KCNC1: variants seen among roughly 807,000 people sequenced by gnomAD.
The protein encoded by KCNC1 is voltage-gated potassium channel KCNC1.
Under a neutral mutation model 43.4 loss-of-function variants are expected in KCNC1, and 8 were observed. The observed-to-expected ratio is 0.18, with a 90% confidence interval of 0.11 to 0.33. KCNC1 has a LOEUF of 0.33. Among genes scored for constraint, KCNC1 ranks in the 10% least tolerant of loss-of-function variants. The pLI, the probability that KCNC1 is intolerant of heterozygous loss-of-function variation, is 1.00. For synonymous variants in KCNC1, 361 were observed against 360.5 expected, an observed-to-expected ratio of 1.00 and a Z score of -0.01; for missense variants, 420 against 836.0, an observed-to-expected ratio of 0.50 and a Z score of 6.14.
chr11:17,746,818 T>TC (rs1218564987), intron 1 of KCNC1, among the ~76,000 whole-genome samples: 1 of 152,118 alleles, frequency 6.6e-6, no homozygotes, highest in Admixed American at 6.5e-5. Flanking sequence ...CATCAGGCCT[T>TC]CGATCGAATC....
chr11:17,764,867 A>T (rs951586206), intron 1 of KCNC1, among the ~76,000 whole-genome samples: 3 of 152,136 alleles, frequency 2.0e-5, no homozygotes, highest in Non-Finnish European at 4.4e-5. Context: ...TCAGTTTCTA[A>T]ACCCAACTCA....
At chr11:17,746,016 T>G (rs1033006529) in intron 1 of KCNC1, among the ~76,000 whole-genome samples, 2 of 152,178 alleles carry the variant, frequency 1.3e-5, no homozygotes, top group Admixed American at 6.5e-5. Context: ...GAAGCTAGAG[T>G]AGGGCCTGGT....
intron 1 of KCNC1, among the ~76,000 whole-genome samples, chr11:17,738,377 G>C (rs1848795443): frequency 6.6e-6 from 1 of 152,072 alleles, no homozygotes; most frequent in South Asian, 2.1e-4. Flanking sequence ...ATGTTGGGGT[G>C]GGGGTGGGCA....
Position 17,772,110 on chromosome 11 carries a change from G to A in KCNC1, c.1016G>A (p.Arg339Gln). The A allele has an allele frequency of 1.9e-6, 3 of 1,613,838 alleles. No individual in the cohort carries two copies. Among genetic ancestry groups the A allele is most frequent in the Non-Finnish European group, 2.5e-6 (3 of 1,179,940 alleles). ...VGLRVLGHTL[R>Q]ASTNEFLLLI... ...CTGCGGGTCCTGGGCCACACGCTCC[G>A]AGCCAGCACCAACGAGTTCCTGCTG... Residue 339 changes from arginine to glutamine, a missense_variant, in exon 2 of 4, where the codon CGA becomes CAA. Around this residue, in one of 5 missense-constraint regions of KCNC1, gnomAD observed 58 missense variants for 256.9 expected, o/e 0.23. Coordinates refer to ENST00000265969, the MANE Select transcript of KCNC1 (RefSeq NM_001112741.2).
Position 17,782,543 on chromosome 11 carries a change from T to G in KCNC1, c.*809T>G, listed in dbSNP as rs1378131163. On this transcript the variant is annotated 3_prime_UTR_variant, in exon 4 of 4. Transcript: ENST00000265969. ...TAGTAAATAATCACCACCGTATGGA[T>G]TTTCCAAGTGTTCCATTAAAACCAG... 6.6e-6 allele frequency: 1 copy of G among 152,106 alleles called. No individual in the cohort carries two copies. Among genetic ancestry groups the G allele is most frequent in the Non-Finnish European group, 1.5e-5 (1 of 68,040 alleles). 9.4% of individuals were successfully genotyped at this position (152,106 alleles called of 1,614,324 possible).
intron 3 of KCNC1, chr11:17,780,652 G>A (rs1463500987): frequency 1.3e-5 from 2 of 152,444 alleles, no homozygotes; most frequent in Non-Finnish European, 2.9e-5. Flanking sequence ...GCAACAGTTG[G>A]TGCAGCCTAT....
chr11:17,773,354 TG>T lies in KCNC1; in HGVS notation c.1504+759del. On this transcript the variant is annotated intron_variant, in intron 2 of 3. Transcript: ENST00000265969. This position sits in a 1 kb window ranked among gnomAD's most constrained non-coding sequence, Gnocchi z 4.1. Reference sequence around the variant, plus strand: ...TTGTCTGTTTGGGTTGATGGTCGAGTGGGAGTTTCCGGTGACCCGATGGAAG... The same window carrying T: ...TTGTCTGTTTGGGTTGATGGTCGAGTGGAGTTTCCGGTGACCCGATGGAAG... The T allele has an allele frequency of 1.0e-6, 1 of 985,168 alleles. No individual in the cohort carries two copies. Among genetic ancestry groups the T allele is most frequent in the Non-Finnish European group, 1.2e-6 (1 of 829,904 alleles). 61.0% of individuals were successfully genotyped at this position (985,168 alleles called of 1,614,324 possible).
chr11:17,759,144 G>T (rs1271226701), intron 1 of KCNC1, among the ~76,000 whole-genome samples: 1 of 152,252 alleles, frequency 6.6e-6, no homozygotes, highest in Non-Finnish European at 1.5e-5. Context: ...AGCATTTGCT[G>T]CTTCTCCTTG....
At position 17,776,718 on chromosome 11, in the gene KCNC1, A is replaced by G. The variant is rs12804057; in HGVS notation, c.1505-2738A>G. ...CAGGTGGGAATGGAGGCTCCTAGCC[A>G]CTATCTCATCCAAAGGATGGGGCAG... is the stretch of plus-strand genomic sequence containing the variant. On this transcript the variant is annotated intron_variant, in intron 2 of 3. Transcript: ENST00000265969. The surrounding 1 kb of genome is among the most constrained non-coding windows in gnomAD (Gnocchi z 4.4). 0.11 allele frequency: 107,219 copies of G among 985,218 alleles called. 5,880 individuals carry two copies. The highest frequency in any genetic ancestry group is 0.12 in the African/African-American group (6,671 of 57,292). 61.0% of individuals were successfully genotyped at this position (985,218 alleles called of 1,614,324 possible).
rs138355357 is a variant in KCNC1, at chr11:17,775,985, G to T, written c.1504+3387G>T. On this transcript the variant is annotated intron_variant, in intron 2 of 3. Coordinates refer to ENST00000265969, the MANE Select transcript of KCNC1 (RefSeq NM_001112741.2). The stretch of plus-strand genomic sequence containing the variant: ...CCAGTGAGTGGTGCTATCCATGGAG[G>T]GGGGAGGGAGCTGGGCAGCGCTGAC... 1,771 of 985,330 alleles carry T rather than the reference G, an allele frequency of 1.8e-3. 1 individual carries two copies. Among genetic ancestry groups the T allele is most frequent in the South Asian group, 9.3e-3 (198 of 21,278 alleles). 61.0% of individuals were successfully genotyped at this position (985,330 alleles called of 1,614,324 possible).
rs1849228996 is a variant in KCNC1 at position 17,771,561 on chromosome 11, G to A, written c.571-104G>A. The A allele has an allele frequency of 1.0e-6, 1 of 974,104 alleles. No individual in the cohort carries two copies. The highest frequency in any genetic ancestry group is 1.5e-6 in the Non-Finnish European group (1 of 646,006). 60.3% of individuals were successfully genotyped at this position (974,104 alleles called of 1,614,324 possible). ...TGTAGCACGTGCTGCAGGGGGCCTG[G>A]TGCTGGCATCTCCCCCCGCCTGGCC... On this transcript the variant is annotated intron_variant, in intron 1 of 3. Coordinates refer to ENST00000265969, the MANE Select transcript of KCNC1 (RefSeq NM_001112741.2). The surrounding 1 kb of genome is among the most constrained non-coding windows in gnomAD (Gnocchi z 4.7).
chr11:17,771,654 T>C lies in KCNC1; in HGVS notation c.571-11T>C. ...GGGCCTCCCTCTGACACTGTGTCTT[T>C]ATCCCCACAGTATGTGGCCTTCGCT... On this transcript the variant is annotated splice_polypyrimidine_tract_variant and intron_variant, in intron 1 of 3. Transcript: ENST00000265969. The surrounding 1 kb of genome is among the most constrained non-coding windows in gnomAD (Gnocchi z 4.7). 6.3e-7 allele frequency: 1 copy of C among 1,598,026 alleles called. No homozygotes were observed. The highest frequency in any genetic ancestry group is 8.6e-7 in the Non-Finnish European group (1 of 1,168,292).
intron 1 of KCNC1, among the ~76,000 whole-genome samples, chr11:17,761,638 G>T (rs572852326): frequency 2.6e-5 from 4 of 152,292 alleles, no homozygotes; most frequent in African/African-American, 9.6e-5. Context: ...CCAAGTCCAG[G>T]CCTCCTTTCC....
Position 17,756,546 on chromosome 11 carries a change from C to G in KCNC1, c.571-15119C>G, listed in dbSNP as rs1230675911. Among the ~76,000 whole-genome samples the G allele has an allele frequency of 4.6e-5, 7 of 151,980 alleles. No individual in the cohort carries two copies. The East Asian group carries it at 1.2e-3, about 25-fold the overall frequency. ...ACACACACACACACACACACACACACACACACACACACGCATGTACATTGG... is the reference window on the plus strand; with the variant it reads ...ACACACACACACACACACACACACAGACACACACACACGCATGTACATTGG... On this transcript the variant is annotated intron_variant, in intron 1 of 3. Transcript: ENST00000265969.
intron 2 of KCNC1, among the ~76,000 whole-genome samples, chr11:17,778,002 C>T (rs977498713): frequency 1.3e-5 from 2 of 152,176 alleles, no homozygotes; most frequent in Non-Finnish European, 2.9e-5. Flanking sequence ...CTTTTCCCCC[C>T]ACTCTACTCT....
At chr11:17,750,831 A>G (rs1386714884) in intron 1 of KCNC1, among the ~76,000 whole-genome samples, 3 of 151,438 alleles carry the variant, frequency 2.0e-5, no homozygotes, top group Non-Finnish European at 4.4e-5. Flanking sequence ...GACACCCTCT[A>G]CCTCCTGGAA....
At chr11:17,755,155 G>A (rs1256278050) in intron 1 of KCNC1, among the ~76,000 whole-genome samples, 1 of 152,202 alleles carries the variant, frequency 6.6e-6, no homozygotes, top group African/African-American at 2.4e-5. Context: ...GGAACAGCCA[G>A]TGCAAGAGCA....
At chr11:17,744,213 A>G (rs1848873660) in intron 1 of KCNC1, among the ~76,000 whole-genome samples, 2 of 151,954 alleles carry the variant, frequency 1.3e-5, no homozygotes, top group African/African-American at 4.8e-5. Context: ...GCTCTTCCCA[A>G]CTCTGACATT....
intron 1 of KCNC1, among the ~76,000 whole-genome samples, chr11:17,755,939 G>T (rs918055764): frequency 6.6e-6 from 1 of 152,132 alleles, no homozygotes; most frequent in Non-Finnish European, 1.5e-5. Context: ...AGGGTGCCCC[G>T]ATAGAGACTG....
Sources: allele counts gnomAD v4.1 joint callset (sites outside exome capture counted in the v4.1 genomes callset), GRCh38; gene constraint gnomAD v4.1.1; regional missense constraint gnomAD v4.1.1; non-coding constraint Gnocchi (gnomAD v3.1); transcripts MANE v1.5; gene names NCBI Gene and HGNC (gene_info 2026-07-23, HGNC 2026-07-21).